The following SLC14A2 variants were observed in gnomAD, a reference collection of about 807,000 sequenced individuals.
The protein encoded by SLC14A2 is solute carrier family 14 member 2.
A neutral mutation model predicts 104.6 loss-of-function variants in SLC14A2; 91 were observed. The ratio of observed to expected loss-of-function variants is 0.87; its 90% CI spans 0.73 to 1.04. The LOEUF (loss-of-function observed/expected upper bound fraction) is 1.04, where lower values mean the gene tolerates loss of function less well. SLC14A2 is among the 50% of genes least tolerant of loss of function. The pLI, the probability that SLC14A2 is intolerant of heterozygous loss-of-function variation, is 0.00. For missense variants in SLC14A2, 1,189 were observed against 1,156.0 expected, an observed-to-expected ratio of 1.03 and a Z score of -0.41; for synonymous variants, 476 against 466.4, an observed-to-expected ratio of 1.02 and a Z score of -0.27.
At chr18:45,513,822 G>A (rs1352172087) in intron 2 of SLC14A2, among the ~76,000 whole-genome samples, 2 of 152,158 alleles carry the variant, frequency 1.3e-5, no homozygotes, top group Non-Finnish European at 2.9e-5. Flanking sequence ...GACCCATAGT[G>A]GAGGAAGTTT....
chr18:45,201,232 CT>C, the SLC14A2 span, among the ~76,000 whole-genome samples: 1 of 152,096 alleles, frequency 6.6e-6, no homozygotes, highest in East Asian at 1.9e-4. Context: ...GTCAGGAAAT[CT>C]CCCCTTTCCC....
At chr18:45,451,525 AGAG>A (rs947795618) in intron 1 of SLC14A2, among the ~76,000 whole-genome samples, 45 of 152,194 alleles carry the variant, frequency 3.0e-4, no homozygotes, top group African/African-American at 1.0e-3. Flanking sequence ...TTTATTTAAA[AGAG>A]GGGAAGAAAT....
intron 2 of SLC14A2, among the ~76,000 whole-genome samples, chr18:45,603,270 T>C (rs1891640804): frequency 6.6e-6 from 1 of 152,134 alleles, no homozygotes; most frequent in Non-Finnish European, 1.5e-5. Flanking sequence ...TGAAGAGCAT[T>C]TTTCTATTCT....
intron 2 of SLC14A2, among the ~76,000 whole-genome samples, chr18:45,534,446 G>A (rs1419163000): frequency 1.3e-5 from 2 of 152,178 alleles, no homozygotes; most frequent in Non-Finnish European, 2.9e-5. Context: ...AACCAGCTCA[G>A]TGGTTTTTCT....
chr18:45,286,664 A>G (rs1039945887), intron 1 of SLC14A2, among the ~76,000 whole-genome samples: 7 of 152,044 alleles, frequency 4.6e-5, no homozygotes, highest in Non-Finnish European at 8.8e-5. Context: ...TATAATTGAC[A>G]TTCACAGTTT....
At chr18:45,412,534 C>CA (rs1382777659) in intron 1 of SLC14A2, among the ~76,000 whole-genome samples, 2 of 152,138 alleles carry the variant, frequency 1.3e-5, no homozygotes, top group African/African-American at 4.8e-5. Flanking sequence ...CTTCTAGAGC[C>CA]AGCCCAGAAC....
intron 2 of SLC14A2, among the ~76,000 whole-genome samples, chr18:45,578,919 G>C (rs1801460363): frequency 6.6e-6 from 1 of 152,184 alleles, no homozygotes; most frequent in African/African-American, 2.4e-5. Context: ...TGTGTCTGTG[G>C]GCAGCTAGAA....
chr18:45,485,413 C>A (rs899052384), intron 2 of SLC14A2: 2 of 152,146 alleles, frequency 1.3e-5, no homozygotes, highest in Non-Finnish European at 2.9e-5. Context: ...GGTCATCTTA[C>A]TTTTTTCAAG....
At chr18:45,176,338 C>G in the SLC14A2 span, among the ~76,000 whole-genome samples, 1 of 152,116 alleles carries the variant, frequency 6.6e-6, no homozygotes, top group Non-Finnish European at 1.5e-5. Context: ...AGCAAAGAAA[C>G]AGAAGAGGGA....
At chr18:45,218,666 T>C (rs905782918) in intron 1 of SLC14A2, among the ~76,000 whole-genome samples, 2 of 152,208 alleles carry the variant, frequency 1.3e-5, no homozygotes, top group Non-Finnish European at 2.9e-5. Flanking sequence ...ACAAACTTTT[T>C]AAATTTTATG....
At chr18:45,360,878 G>C (rs1395568974) in intron 1 of SLC14A2, among the ~76,000 whole-genome samples, 1 of 152,156 alleles carries the variant, frequency 6.6e-6, no homozygotes, top group East Asian at 1.9e-4. Flanking sequence ...GTTGTACATT[G>C]AAAGTTTATC....
chr18:45,627,729 C>T (rs2045282051), intron 4 of SLC14A2, among the ~76,000 whole-genome samples: 1 of 152,108 alleles, frequency 6.6e-6, no homozygotes, highest in African/African-American at 2.4e-5. Context: ...ATAACAAGGG[C>T]CAGGCACGGT....
At chr18:45,203,379 G>A in the SLC14A2 span, among the ~76,000 whole-genome samples, 52 of 152,266 alleles carry the variant, frequency 3.4e-4, no homozygotes, top group African/African-American at 9.9e-4. Context: ...AGGTTCAGGC[G>A]GAACTGTGGG....
chr18:45,589,328 G>GGGCT (rs918791498), intron 2 of SLC14A2, among the ~76,000 whole-genome samples: 156 of 151,420 alleles, frequency 1.0e-3, no homozygotes, highest in African/African-American at 3.7e-3. Flanking sequence ...AGAGAAAGGG[G>GGGCT]GGCTGCAAGG....
upstream of SLC14A2, among the ~76,000 whole-genome samples, chr18:45,614,282 G>A (rs1427278478): frequency 2.0e-5 from 3 of 152,222 alleles, no homozygotes; most frequent in Admixed American, 6.5e-5. Flanking sequence ...TGTATGAAAC[G>A]CCAGGATGTC....
the SLC14A2 span, among the ~76,000 whole-genome samples, chr18:45,199,422 A>C: frequency 2.6e-5 from 4 of 151,886 alleles, no homozygotes; most frequent in African/African-American, 9.7e-5. Context: ...ATTTTTTTTA[A>C]ATCATGTTTT....
chr18:45,632,220 G>A (rs979359447), intron 4 of SLC14A2, 130 bp from the exon 5 acceptor site: 115 of 1,142,234 alleles, frequency 1.0e-4, no homozygotes, highest in East Asian at 1.5e-4. Context: ...TTCATTGAGC[G>A]AACTGACTTT....
Position 45,624,834 on chromosome 18 carries a change from G to T in SLC14A2, c.150+20G>T. ...GAAAAGGTGAGAAGTGTCCCTCCTA[G>T]GATGTTTCCTGGGAGGGAGGGGATG... is the stretch of plus-strand genomic sequence containing the variant. On this transcript the variant is annotated intron_variant, in intron 2 of 19. Coordinates refer to ENST00000255226, the MANE Select transcript of SLC14A2 (RefSeq NM_007163.4). The T allele has an allele frequency of 1.3e-6, 2 of 1,586,256 alleles. No individual in the cohort carries two copies. Among genetic ancestry groups the T allele is most frequent in the South Asian group, 1.1e-5 (1 of 87,440 alleles).
At chr18:45,344,965 A>G (rs895880727) in intron 1 of SLC14A2, among the ~76,000 whole-genome samples, 2 of 152,182 alleles carry the variant, frequency 1.3e-5, no homozygotes, top group Admixed American at 1.3e-4. Context: ...GCCTCTTCCC[A>G]AGGAATTTCC....
Sources: allele counts gnomAD v4.1 joint callset (sites outside exome capture counted in the v4.1 genomes callset), GRCh38; gene constraint gnomAD v4.1.1; transcripts MANE v1.5; gene names NCBI Gene and HGNC (gene_info 2026-07-23, HGNC 2026-07-21).